The following CEMIP variants were observed in gnomAD, a reference collection of about 807,000 sequenced individuals.
The protein encoded by CEMIP is cell migration inducing hyaluronidase 1.
A neutral mutation model predicts 156.9 loss-of-function variants in CEMIP; 105 were observed. That is an observed-to-expected ratio of 0.67 (90% CI 0.57 to 0.79). The LOEUF (loss-of-function observed/expected upper bound fraction) is 0.79. Among genes scored for constraint, CEMIP ranks in the 30% least tolerant of loss-of-function variants. The pLI, the probability that CEMIP is intolerant of heterozygous loss-of-function variation, is 0.00. For missense variants in CEMIP, 1,457 were observed against 1,769.4 expected (o/e 0.82, Z 3.17); for synonymous variants, 676 against 668.4 (o/e 1.01, Z -0.17).
intron 10 of CEMIP, among the ~76,000 whole-genome samples, chr15:80,892,312 T>G (rs1418214147): frequency 6.6e-6 from 1 of 152,180 alleles, no homozygotes; most frequent in Non-Finnish European, 1.5e-5. Context: ...CAGTTGACCT[T>G]AAGAAAAGCT....
intron 25 of CEMIP, among the ~76,000 whole-genome samples, 173 bp from the exon 26 acceptor site, chr15:80,941,676 T>G (rs1235450318): frequency 6.6e-6 from 1 of 152,170 alleles, no homozygotes; most frequent in Non-Finnish European, 1.5e-5. Flanking sequence ...TTCAATGCAT[T>G]TGTTCCTTAT....
intron 6 of CEMIP, among the ~76,000 whole-genome samples, chr15:80,881,936 G>A (rs1455589012): frequency 2.6e-5 from 4 of 152,200 alleles, no homozygotes; most frequent in Admixed American, 2.6e-4. Context: ...ATGGGCAGGT[G>A]TAAGCTGGCA....
At chr15:80,895,522 G>C (rs1474750052) in intron 11 of CEMIP, among the ~76,000 whole-genome samples, 1 of 152,168 alleles carries the variant, frequency 6.6e-6, no homozygotes, top group African/African-American at 2.4e-5. Context: ...AGGAATGAAA[G>C]TTTAGGGGGA....
Position 80,880,887 on chromosome 15 carries a change from T to G in CEMIP, c.381-13T>G. ...TGTGTCAGCCAACTCTGGGGAGCTG[T>G]TTTCTCTTGCAGGGCTGATGAAGGT... is the stretch of plus-strand genomic sequence containing the variant. On this transcript the variant is annotated splice_polypyrimidine_tract_variant and intron_variant, in intron 5 of 29. Transcript: ENST00000394685. 1 of 1,610,900 alleles carries G rather than the reference T, an allele frequency of 6.2e-7. No individual in the cohort carries two copies. The highest frequency in any genetic ancestry group is 8.5e-7 in the Non-Finnish European group (1 of 1,177,440).
chr15:80,929,600 C>T (rs1360165923), intron 21 of CEMIP, among the ~76,000 whole-genome samples: 1 of 152,158 alleles, frequency 6.6e-6, no homozygotes, highest in Non-Finnish European at 1.5e-5. Context: ...GAAGCTATGT[C>T]ACATGCAGGT....
At chr15:80,934,140 T>A (rs892683274) in intron 23 of CEMIP, among the ~76,000 whole-genome samples, 1 of 152,246 alleles carries the variant, frequency 6.6e-6, no homozygotes, top group African/African-American at 2.4e-5. Flanking sequence ...TGTGAATTTT[T>A]AATTTTATTT....
chr15:80,827,875 G>A (rs1897074239), intron 1 of CEMIP, among the ~76,000 whole-genome samples: 1 of 152,094 alleles, frequency 6.6e-6, no homozygotes. Flanking sequence ...TATCAGTTTG[G>A]CATTCCTGTA....
chr15:80,902,531 G>C (rs1260025106), intron 12 of CEMIP, among the ~76,000 whole-genome samples: 1 of 152,238 alleles, frequency 6.6e-6, no homozygotes, highest in Non-Finnish European at 1.5e-5. Flanking sequence ...CAGCAGGACA[G>C]ATAAGGTGGC....
intron 3 of CEMIP, among the ~76,000 whole-genome samples, chr15:80,876,708 G>T (rs917758051): frequency 6.6e-6 from 1 of 152,072 alleles, no homozygotes; most frequent in Non-Finnish European, 1.5e-5. Flanking sequence ...AATGGGCAAA[G>T]AGGACAACTC....
At chr15:80,809,431 A>T (rs1896603281) in intron 1 of CEMIP, among the ~76,000 whole-genome samples, 1 of 152,272 alleles carries the variant, frequency 6.6e-6, no homozygotes, top group African/African-American at 2.4e-5. Flanking sequence ...TTCTTCAATC[A>T]ACTAGAAGAA....
intron 1 of CEMIP, among the ~76,000 whole-genome samples, chr15:80,810,513 G>A (rs775125220): frequency 1.3e-4 from 20 of 152,118 alleles, no homozygotes; most frequent in Non-Finnish European, 2.6e-4. Context: ...GACTACAGGC[G>A]CCCTCCACTG....
At chr15:80,876,050 GACT>G (rs778540935) in intron 3 of CEMIP, among the ~76,000 whole-genome samples, 14 of 152,354 alleles carry the variant, frequency 9.2e-5, no homozygotes, top group Admixed American at 2.6e-4. Context: ...GGCAGATGCG[GACT>G]ACGAGGCTGC....
rs1213584432 is a variant in CEMIP at position 80,920,273 on chromosome 15, C to T, written c.1977C>T (p.Tyr659=). The stretch of plus-strand genomic sequence containing the variant: ...TCACAGAGGACTCCTACCCGGGGTA[C>T]ATCCCCAAGCCCAGGCAAGACTGCA... ...KMITEDSYPG[Y]IPKPRQDCNA... The change falls in exon 15 of 30, where the codon TAC becomes TAT. Residue 659 remains tyrosine, a synonymous_variant. Transcript: ENST00000394685. 4 of 1,614,036 alleles carry T rather than the reference C, an allele frequency of 2.5e-6. No homozygotes were observed. The highest frequency in any genetic ancestry group is 2.2e-5 in the South Asian group (2 of 91,086).
At chr15:80,884,645 T>A (rs1898775175) in intron 7 of CEMIP, among the ~76,000 whole-genome samples, 1 of 152,258 alleles carries the variant, frequency 6.6e-6, no homozygotes, top group South Asian at 2.1e-4. Flanking sequence ...GAGCATCTAC[T>A]GTGTGTAAGA....
intron 1 of CEMIP, among the ~76,000 whole-genome samples, chr15:80,783,329 T>A (rs2141556376): frequency 6.6e-6 from 1 of 152,362 alleles, no homozygotes. Flanking sequence ...TAGCATATCT[T>A]TGAAAAGTCT....
chr15:80,944,853 C>T (rs772958200), intron 28 of CEMIP, among the ~76,000 whole-genome samples: 15 of 152,158 alleles, frequency 9.9e-5, no homozygotes, highest in Non-Finnish European at 1.8e-4. Context: ...TGTTTGGAAC[C>T]ATGTGCAAGG....
At chr15:80,848,401 A>C (rs1352419105) in intron 1 of CEMIP, among the ~76,000 whole-genome samples, 7 of 152,306 alleles carry the variant, frequency 4.6e-5, no homozygotes, top group African/African-American at 1.4e-4. Flanking sequence ...GGCCTCAGAC[A>C]ATCTACTCAA....
Position 80,880,451 on chromosome 15 carries a change from T to A in CEMIP, c.381-449T>A, listed in dbSNP as rs569307386. Among the ~76,000 whole-genome samples, 24 of 152,324 alleles carry A rather than the reference T, an allele frequency of 1.6e-4. No homozygotes were observed. In the South Asian group the frequency reaches 5.0e-3, roughly 32 times the overall value. ...GTTTTTGTTGTTATTGTTGTTGTTG[T>A]TTTGAGATGGAATCTTGCTCTGTGG... On this transcript the variant is annotated intron_variant, in intron 5 of 29. Transcript: ENST00000394685.
intron 10 of CEMIP, among the ~76,000 whole-genome samples, chr15:80,894,538 G>T (rs1054366077): frequency 2.6e-5 from 4 of 152,140 alleles, no homozygotes; most frequent in Non-Finnish European, 4.4e-5. Context: ...CAAATCTGAG[G>T]CTCCGAGGAT....
Sources: gnomAD v4.1 joint callset for allele counts (sites outside exome capture counted in the v4.1 genomes callset) on GRCh38, gnomAD v4.1.1 for gene constraint, MANE v1.5 for transcripts, NCBI Gene and HGNC (gene_info 2026-07-23, HGNC 2026-07-21) for gene names.